The following DMD variants were observed in gnomAD, a reference collection of about 807,000 sequenced individuals.
DMD encodes the protein mutant dystrophin.
A neutral mutation model predicts 330.1 loss-of-function variants in DMD; 63 were observed. The ratio of observed to expected loss-of-function variants is 0.19; its 90% CI spans 0.16 to 0.24. The LOEUF (loss-of-function observed/expected upper bound fraction) is 0.24. Among genes scored for constraint, DMD ranks in the 10% least tolerant of loss-of-function variants. The pLI is 1.00. For missense variants in DMD, 3,344 were observed against 2,684.1 expected (o/e 1.25, Z -5.43); for synonymous variants, 1,223 against 959.8 (o/e 1.27, Z -5.07).
intron 7 of DMD, among the ~76,000 whole-genome samples, chrX:32,704,495 G>A (rs2064427369): frequency 8.9e-6 from 1 of 111,935 alleles, no homozygotes; most frequent in Admixed American, 9.5e-5. Flanking sequence ...CCAAGTTTCT[G>A]CCAAGGGACA....
chrX:32,104,736 G>A (rs2096556692), intron 44 of DMD, among the ~76,000 whole-genome samples: 2 of 111,560 alleles, frequency 1.8e-5, no homozygotes, highest in Non-Finnish European at 3.8e-5. Context: ...AGACACTTGC[G>A]CCTATGTTAA....
At chrX:32,089,412 AT>A (rs1431675918) in intron 44 of DMD, among the ~76,000 whole-genome samples, 1 of 110,907 alleles carries the variant, frequency 9.0e-6, no homozygotes, top group Non-Finnish European at 1.9e-5. Flanking sequence ...CCCAATAATT[AT>A]TTTTCCTGAT....
intron 44 of DMD, among the ~76,000 whole-genome samples, chrX:32,090,137 A>G (rs935848248): frequency 8.9e-6 from 1 of 112,019 alleles, no homozygotes; most frequent in Non-Finnish European, 1.9e-5. Flanking sequence ...CATGAGTAAC[A>G]TAAAGTTAAT....
At chrX:32,553,911 G>A (rs1378765186) in intron 16 of DMD, among the ~76,000 whole-genome samples, 5 of 111,520 alleles carry the variant, frequency 4.5e-5, no homozygotes, top group Non-Finnish European at 9.4e-5. Flanking sequence ...TTGCCAGATC[G>A]TGGCCAGTCT....
chrX:32,717,125 T>C (rs765353668), intron 7 of DMD, among the ~76,000 whole-genome samples: 1 of 111,311 alleles, frequency 9.0e-6, no homozygotes, highest in African/African-American at 3.3e-5. Flanking sequence ...TCAAGCTGTC[T>C]GCGGAAATTT....
intron 13 of DMD, among the ~76,000 whole-genome samples, chrX:32,593,286 G>A (rs986065264): frequency 1.5e-4 from 17 of 112,612 alleles, no homozygotes; most frequent in African/African-American, 5.2e-4. Context: ...ACTTTCCTCA[G>A]GAATCATCTG....
chrX:32,503,500 T>G (rs1230999098), intron 18 of DMD, among the ~76,000 whole-genome samples: 1 of 112,288 alleles, frequency 8.9e-6, no homozygotes, highest in African/African-American at 3.2e-5. Context: ...CCACATATTT[T>G]TATGTATCTG....
intron 1 of DMD, among the ~76,000 whole-genome samples, chrX:33,256,684 ATTT>A (rs1265846963): frequency 1.8e-5 from 2 of 110,219 alleles, no homozygotes; most frequent in Non-Finnish European, 1.9e-5. Context: ...TTAAATTCTC[ATTT>A]TTTGTTTCAC....
rs1172373702 is a variant in DMD, at chrX:33,010,746, T to A, written c.93+9393A>T. On this transcript the variant is annotated intron_variant, in intron 2 of 78. Coordinates refer to ENST00000357033, the MANE Select transcript of DMD (RefSeq NM_004006.3). The stretch of plus-strand genomic sequence containing the variant: ...GCATTGATTCTCAACTGGAAAAAGG[T>A]CATTCCCCTTTGAGGGTTCAATAAA... Among the ~76,000 whole-genome samples, 4 of 110,875 alleles carry A rather than the reference T, an allele frequency of 3.6e-5. No homozygotes were observed. In the East Asian group the frequency reaches 1.1e-3, roughly 32 times the overall value.
chrX:32,408,284 T>G (rs912818704), intron 30 of DMD, among the ~76,000 whole-genome samples: 8 of 111,650 alleles, frequency 7.2e-5, no homozygotes, highest in African/African-American at 2.6e-4. Context: ...AACATAATTT[T>G]AAATCCAATT....
intron 55 of DMD, among the ~76,000 whole-genome samples, chrX:31,600,122 G>A (rs984328017): frequency 2.7e-5 from 3 of 111,297 alleles, no homozygotes; most frequent in African/African-American, 9.8e-5. Flanking sequence ...TTGTAGAGAT[G>A]GGGTTTCACC....
intron 57 of DMD, among the ~76,000 whole-genome samples, chrX:31,490,671 G>C (rs1366686093): frequency 8.9e-6 from 1 of 112,468 alleles, no homozygotes; most frequent in African/African-American, 3.2e-5. Flanking sequence ...TCTTAACACA[G>C]AGCTGACTTA....
chrX:32,730,986 T>G (rs1001234338), intron 7 of DMD, among the ~76,000 whole-genome samples: 2 of 111,641 alleles, frequency 1.8e-5, no homozygotes, highest in African/African-American at 3.3e-5. Context: ...TTTCTGCATT[T>G]CCATCTGAGG....
chrX:32,395,076 T>C (rs186296261), intron 30 of DMD, among the ~76,000 whole-genome samples: 20 of 111,000 alleles, frequency 1.8e-4, no homozygotes, highest in East Asian at 1.7e-3. Context: ...GGTAGAAACA[T>C]CAACATGCCC....
chrX:33,238,276 T>A (rs372739731), intron 1 of DMD, among the ~76,000 whole-genome samples: 2 of 111,882 alleles, frequency 1.8e-5, no homozygotes, highest in East Asian at 5.6e-4. Context: ...CTTAGCTGGG[T>A]TCTAGCTCAC....
At chrX:32,866,171 T>A (rs1224221569) in intron 2 of DMD, among the ~76,000 whole-genome samples, 4 of 111,557 alleles carry the variant, frequency 3.6e-5, no homozygotes, top group Non-Finnish European at 1.9e-5. Context: ...CCAGATGAAG[T>A]TTTCCCAGAC....
intron 25 of DMD, among the ~76,000 whole-genome samples, chrX:32,456,616 GTA>G (rs1160993124): frequency 4.0e-4 from 36 of 89,303 alleles, no homozygotes; most frequent in East Asian, 8.1e-4. Context: ...GTGTGTGTGT[GTA>G]TGTGTGTGTG....
intron 1 of DMD, among the ~76,000 whole-genome samples, chrX:33,059,623 T>G (rs902576282): frequency 2.7e-5 from 3 of 111,666 alleles, no homozygotes; most frequent in Non-Finnish European, 3.8e-5. Flanking sequence ...CTTGCAGTAC[T>G]TTTGAGAGAG....
intron 44 of DMD, chrX:32,205,838 C>T: frequency 3.8e-6 from 1 of 265,738 alleles, no homozygotes; most frequent in Non-Finnish European, 6.9e-6. Flanking sequence ...TTCTCTTGAG[C>T]AGTGGTCCTT....
Sources: gnomAD v4.1 joint callset for allele counts (sites outside exome capture counted in the v4.1 genomes callset) on GRCh38, gnomAD v4.1.1 for gene constraint, MANE v1.5 for transcripts, NCBI Gene and HGNC (gene_info 2026-07-23, HGNC 2026-07-21) for gene names.